ATP1A3: variants seen among roughly 807,000 people sequenced by gnomAD.
ATP1A3 encodes the protein sodium/potassium-transporting ATPase subunit alpha-3.
In ATP1A3, 12 loss-of-function variants were observed where a neutral mutation model predicts 108.8. The ratio of observed to expected loss-of-function variants is 0.11; its 90% CI spans 0.07 to 0.18. The LOEUF is 0.18. ATP1A3 is among the 10% of genes least tolerant of loss of function. The pLI, the probability that ATP1A3 is intolerant of heterozygous loss-of-function variation, is 1.00. For synonymous variants in ATP1A3, 539 were observed against 564.5 expected, an observed-to-expected ratio of 0.95 and a Z score of 0.64; for missense variants, 498 against 1,387.7, an observed-to-expected ratio of 0.36 and a Z score of 10.19.
chr19:41,970,039 A>ACC, intron 18 of ATP1A3, 146 bp downstream of exon 18: 2 of 1,315,562 alleles, frequency 1.5e-6, no homozygotes, highest in South Asian at 1.2e-5. Context: ...TGGGGTGCAG[A>ACC]CCCCCCCCAC....
At position 41,981,785 on chromosome 19, in the gene ATP1A3, G is replaced by A. The variant is rs1555863513; in HGVS notation, c.1239C>T (p.His413=). ...CAGCGCGATTGCAGAGCCCAGCGAT[G>A]TGAGACAGGGCCACCCAGGTGTGCG... ...KSSHTWVALS[H]IAGLCNRAVF... The change falls in exon 10 of 23, where the codon CAC becomes CAT. Residue 413 remains histidine, a synonymous_variant. Transcript: ENST00000648268. This position sits in a 1 kb window ranked among gnomAD's most constrained non-coding sequence, Gnocchi z 5.0. 6.2e-7 allele frequency: 1 copy of A among 1,614,252 alleles called. No individual in the cohort carries two copies. The highest frequency in any genetic ancestry group is 1.1e-5 in the South Asian group (1 of 91,088).
In ATP1A3 at chr19:41,967,550, G is replaced by A. The variant is rs1218808109; in HGVS notation, c.2921+112C>T. 2 of 1,247,516 alleles carry A rather than the reference G, an allele frequency of 1.6e-6. No individual in the cohort carries two copies. The highest frequency in any genetic ancestry group is 5.0e-5 in the East Asian group (2 of 39,996). The allele number at this position is 1,247,516 out of a possible 1,614,324, so 77.3% of individuals were successfully genotyped here. On this transcript the variant is annotated intron_variant, in intron 21 of 22. Transcript: ENST00000648268. The surrounding 1 kb of genome is among the most constrained non-coding windows in gnomAD (Gnocchi z 4.2). Reference sequence around the variant, plus strand: ...GGAGGCTCGGGGGCATCAGAATGGGGACTGCAGTGGGGACACCAGGGGAGG... The same window carrying A: ...GGAGGCTCGGGGGCATCAGAATGGGAACTGCAGTGGGGACACCAGGGGAGG...
Position 41,970,173 on chromosome 19 carries a change from C to T in ATP1A3, c.2542+12G>A. ...ACTGGGTGGTAAGGAGATGGAGTCC[C>T]CGGTGCCTCACCAATCTGCCCGTAG... On this transcript the variant is annotated intron_variant, in intron 18 of 22. Transcript: ENST00000648268. 6.2e-7 allele frequency: 1 copy of T among 1,614,228 alleles called. No homozygotes were observed. The highest frequency in any genetic ancestry group is 8.5e-7 in the Non-Finnish European group (1 of 1,180,040).
rs1217781623 is a variant in ATP1A3, at chr19:41,978,128, C to T, written c.1806+23G>A. The T allele has an allele frequency of 1.2e-6, 2 of 1,614,040 alleles. No homozygotes were observed. The highest frequency in any genetic ancestry group is 1.3e-5 in the African/African-American group (1 of 74,926). ...TCCCGCCCCACGCCTGGCTTTGCCT[C>T]CCCCAGCCACCCCAAGCCACACCTT... On this transcript the variant is annotated intron_variant, in intron 13 of 22. Transcript: ENST00000648268. This position sits in a 1 kb window ranked among gnomAD's most constrained non-coding sequence, Gnocchi z 8.3.
intron 15 of ATP1A3, among the ~76,000 whole-genome samples, 178 bp downstream of exon 15, chr19:41,976,238 G>C (rs1213090061): frequency 7.1e-6 from 1 of 139,876 alleles, no homozygotes; most frequent in African/African-American, 2.7e-5. Context: ...AAGGGTCCAG[G>C]TCCCCAGCCC....
At chr19:41,992,556 G>A (rs1336995095) in intron 1 of ATP1A3, among the ~76,000 whole-genome samples, 1 of 151,946 alleles carries the variant, frequency 6.6e-6, no homozygotes, top group African/African-American at 2.4e-5. Context: ...TTTGCCCTCT[G>A]CCTCCTCTTC....
At chr19:41,984,021 C>T (rs1028773424) in intron 8 of ATP1A3, among the ~76,000 whole-genome samples, 8 of 151,706 alleles carry the variant, frequency 5.3e-5, no homozygotes, top group Non-Finnish European at 1.2e-4. Context: ...GTGATCCACC[C>T]GCCTCGGCCT....
chr19:41,969,324 G>A, intron 19 of ATP1A3, 111 bp downstream of exon 19: 6 of 1,566,694 alleles, frequency 3.8e-6, no homozygotes, highest in Non-Finnish European at 5.3e-6. Flanking sequence ...AGGCCTTGAT[G>A]CTGCCATGGG....
At chr19:41,983,766 ATT>A (rs556483707) in intron 8 of ATP1A3, among the ~76,000 whole-genome samples, 36 of 101,238 alleles carry the variant, frequency 3.6e-4, no homozygotes, top group African/African-American at 1.1e-3. Context: ...ATTTAAAAAA[ATT>A]TTTTTTTTTT....
At chr19:41,982,958 G>A (rs1421525688) in intron 8 of ATP1A3, among the ~76,000 whole-genome samples, 3 of 152,266 alleles carry the variant, frequency 2.0e-5, no homozygotes, top group Admixed American at 6.5e-5. Context: ...TGCAGCTGAC[G>A]TGATTCTGTT....
Position 41,967,896 on chromosome 19 carries a change from C to A in ATP1A3, c.2820-133G>T. 1.3e-6 allele frequency: 1 copy of A among 778,370 alleles called. No individual in the cohort carries two copies. The highest frequency in any genetic ancestry group is 1.5e-5 in the South Asian group (1 of 68,334). 48.2% of individuals were successfully genotyped at this position (778,370 alleles called of 1,614,324 possible). On this transcript the variant is annotated intron_variant, in intron 20 of 22. Transcript: ENST00000648268. This position sits in a 1 kb window ranked among gnomAD's most constrained non-coding sequence, Gnocchi z 4.2. ...AGACACAGAGACAGAGAGGCAGAGA[C>A]ATAGGGAGAGACAGAGATGGGGAGA... is the stretch of plus-strand genomic sequence containing the variant.
chr19:41,990,504 C>G (rs1207832764), intron 1 of ATP1A3, among the ~76,000 whole-genome samples: 2 of 137,848 alleles, frequency 1.5e-5, no homozygotes, highest in Admixed American at 7.2e-5. Context: ...TCTCTCTCTC[C>G]CTCTCTCTGT....
intron 14 of ATP1A3, among the ~76,000 whole-genome samples, chr19:41,977,160 CAG>C (rs1568859425): frequency 6.6e-6 from 1 of 151,526 alleles, no homozygotes; most frequent in Non-Finnish European, 1.5e-5. Flanking sequence ...TGAAGGAAGG[CAG>C]AGTCAGAGAT....
intron 8 of ATP1A3, among the ~76,000 whole-genome samples, chr19:41,983,575 T>A (rs1241307358): frequency 4.8e-5 from 7 of 146,128 alleles, no homozygotes; most frequent in Non-Finnish European, 1.0e-4. Context: ...TTTTTAAAAA[T>A]AATAATAATA....
chr19:41,970,797 A>C (rs557455468), intron 16 of ATP1A3, among the ~76,000 whole-genome samples: 3 of 150,636 alleles, frequency 2.0e-5, no homozygotes, highest in Non-Finnish European at 4.4e-5. Context: ...ACGCCCGGCT[A>C]ATTTTTTTGT....
chr19:41,984,852 C>CT lies in ATP1A3; in HGVS notation c.993+65dup, dbSNP rs1348457183. ...CAGGGGTCCAGGATCCCAGCCCCTC[C>CT]TCCCTCAGACCCAGGAGCCCAGACC... On this transcript the variant is annotated intron_variant, in intron 8 of 22. Transcript: ENST00000648268. 18 of 1,540,734 alleles carry CT rather than the reference C, an allele frequency of 1.2e-5. No individual in the cohort carries two copies. In the African/African-American group the frequency reaches 2.3e-4, roughly 20 times the overall value.
chr19:41,967,646 G>C lies in ATP1A3; in HGVS notation c.2921+16C>G. ...GGCGCTGGTGTGGGCAGGGCTGGGG[G>C]CAGCGGGGCACTCACTTGAGAGGGT... On this transcript the variant is annotated intron_variant, in intron 21 of 22. Transcript: ENST00000648268. The surrounding 1 kb of genome is among the most constrained non-coding windows in gnomAD (Gnocchi z 4.2). 6.2e-7 allele frequency: 1 copy of C among 1,612,376 alleles called. No homozygotes were observed. The highest frequency in any genetic ancestry group is 8.5e-7 in the Non-Finnish European group (1 of 1,178,892).
intron 16 of ATP1A3, among the ~76,000 whole-genome samples, chr19:41,971,296 C>T (rs1020205608): frequency 1.3e-5 from 2 of 152,118 alleles, no homozygotes; most frequent in African/African-American, 4.8e-5. Flanking sequence ...CCAACCACAT[C>T]GCCTTTGTGG....
chr19:41,987,796 C>T, intron 4 of ATP1A3, 140 bp downstream of exon 4: 7 of 1,171,214 alleles, frequency 6.0e-6, no homozygotes, highest in Non-Finnish European at 8.7e-6. Context: ...ATCTGGTTCT[C>T]TTGCTGGGTG....
Sources: gnomAD v4.1 joint callset for allele counts (sites outside exome capture counted in the v4.1 genomes callset) on GRCh38, gnomAD v4.1.1 for gene constraint, Gnocchi (gnomAD v3.1) non-coding constraint, MANE v1.5 for transcripts, NCBI Gene and HGNC (gene_info 2026-07-23, HGNC 2026-07-21) for gene names.